The following ZFAND1 variants were observed in gnomAD, a reference collection of about 807,000 sequenced individuals.
The protein encoded by ZFAND1 is zinc finger AN1-type containing 1, also known as AN1-type zinc finger protein 1.
In ZFAND1, 40 loss-of-function variants were observed where a neutral mutation model predicts 38.5. The ratio of observed to expected loss-of-function variants is 1.04; its 90% confidence interval spans 0.81 to 1.35. The LOEUF (loss-of-function observed/expected upper bound fraction) is 1.35. Ranked by LOEUF, ZFAND1 falls within the 40% of genes most tolerant of loss-of-function variation. The probability of loss-of-function intolerance (pLI) is 0.00; values close to 1 mark genes in which losing one functional copy is unlikely to be tolerated. For missense variants in ZFAND1, 346 were observed against 316.3 expected (o/e 1.09, Z -0.71); for synonymous variants, 117 against 103.6 (o/e 1.13, Z -0.78).
chr8:81,714,158 C>A, intron 5 of ZFAND1, 119 bp from the exon 6 acceptor site: 1 of 929,864 alleles, frequency 1.1e-6, no homozygotes, highest in Non-Finnish European at 1.5e-6. Flanking sequence ...GAGAGATATA[C>A]AGAGACCACA....
At chr8:81,714,264 C>T (rs923924190) in intron 5 of ZFAND1, 1 of 427,510 alleles carries the variant, frequency 2.3e-6, no homozygotes, top group Non-Finnish European at 4.1e-6. Context: ...CTATAATGTG[C>T]TTCTTTTCAA....
Position 81,713,965 on chromosome 8 carries a change from A to G in ZFAND1, c.433T>C (p.Leu145=), listed in dbSNP as rs140919879. The G allele has an allele frequency of 1.9e-6, 3 of 1,613,036 alleles. No homozygotes were observed. The highest frequency in any genetic ancestry group is 2.2e-5 in the East Asian group (1 of 44,774). ...KNSETAAKVA[L]MKLKMHADGD... ...TCAGCATGCATCTTTAATTTCATCAATGCAACCTTTGCAGCTGTTTCACTA... is the reference window on the plus strand; with the variant it reads ...TCAGCATGCATCTTTAATTTCATCAGTGCAACCTTTGCAGCTGTTTCACTA... Residue 145 remains leucine (L), a synonymous_variant, in exon 6 of 8, where the codon TTG becomes CTG. Transcript: ENST00000220669.
Position 81,703,275 on chromosome 8 carries a change from A to C in ZFAND1, c.481-151T>G, listed in dbSNP as rs562765544. The stretch of plus-strand genomic sequence containing the variant: ...GGAATACCAATCACAGTAGCCAAAA[A>C]CACACATAAATGCATGGGCATAGGA... On this transcript the variant is annotated intron_variant, in intron 6 of 7. Transcript: ENST00000220669. 5.8e-4 allele frequency: 295 copies of C among 510,656 alleles called. 3 individuals carry two copies. The highest frequency in any genetic ancestry group is 5.3e-3 in the African/African-American group (273 of 51,154). 31.6% of individuals were successfully genotyped at this position (510,656 alleles called of 1,614,324 possible).
rs374960687 is a variant in ZFAND1, at chr8:81,717,301, T to C, written c.99-13A>G. The stretch of plus-strand genomic sequence containing the variant: ...TCTGTGTTCAAGGCTTAAATAATAA[T>C]AGCAAGTGTTTATTTAAATAACATA... On this transcript the variant is annotated splice_polypyrimidine_tract_variant and intron_variant, in intron 2 of 7. Transcript: ENST00000220669. 9 of 1,513,776 alleles carry C rather than the reference T, an allele frequency of 5.9e-6. No homozygotes were observed. The highest frequency in any genetic ancestry group is 4.2e-5 in the South Asian group (3 of 71,802). 93.8% of individuals were successfully genotyped at this position (1,513,776 alleles called of 1,614,324 possible).
At chr8:81,714,091 T>C (rs781650250) in intron 5 of ZFAND1, 52 bp from the exon 6 acceptor site, 11 of 1,490,628 alleles carry the variant, frequency 7.4e-6, no homozygotes, top group Non-Finnish European at 9.9e-6. Context: ...ACAAATAGAA[T>C]TTTATTATAA....
chr8:81,702,933 TA>T, intron 7 of ZFAND1, 35 bp downstream of exon 7: 3 of 1,502,230 alleles, frequency 2.0e-6, no homozygotes, highest in Non-Finnish European at 2.7e-6. Context: ...ATAAAACCTT[TA>T]TTAATATAGA....
In ZFAND1 at chr8:81,717,303, G is replaced by GC. The variant is rs1280281928; in HGVS notation, c.99-16dup. Reference sequence around the variant, plus strand: ...TGTGTTCAAGGCTTAAATAATAATAGCAAGTGTTTATTTAAATAACATACT... The same window carrying GC: ...TGTGTTCAAGGCTTAAATAATAATAGCCAAGTGTTTATTTAAATAACATACT... On this transcript the variant is annotated splice_polypyrimidine_tract_variant and intron_variant, in intron 2 of 7. Transcript: ENST00000220669. 7.3e-6 allele frequency: 11 copies of GC among 1,509,946 alleles called. No individual in the cohort carries two copies. The highest frequency in any genetic ancestry group is 9.7e-6 in the Non-Finnish European group (11 of 1,138,026). 93.5% of individuals were successfully genotyped at this position (1,509,946 alleles called of 1,614,324 possible). A position where few individuals can be genotyped will look rare whatever the true frequency, so the allele number is the denominator to read the frequency against.
At chr8:81,706,138 AAAGATAGATTACTCATAGAGT>A (rs1807972511) in intron 6 of ZFAND1, among the ~76,000 whole-genome samples, 1 of 152,120 alleles carries the variant, frequency 6.6e-6, no homozygotes, top group African/African-American at 2.4e-5. Context: ...AGCTACCAAA[AAAGATAGATTACTCATAGAGT>A]AAGACTGACA....
At chr8:81,717,169 G>T in intron 3 of ZFAND1, 80 bp downstream of exon 3, 3 of 1,213,880 alleles carry the variant, frequency 2.5e-6, no homozygotes, top group Non-Finnish European at 3.4e-6. Context: ...GATACTGACT[G>T]CCTTTAAATC....
chr8:81,721,035 T>C (rs1372077448), intron 1 of ZFAND1, 192 bp downstream of exon 1: 2 of 573,354 alleles, frequency 3.5e-6, no homozygotes, highest in African/African-American at 3.9e-5. Context: ...ACACGTCATT[T>C]CAAAAGCTCA....
chr8:81,716,387 T>C (rs1808311876), intron 3 of ZFAND1, among the ~76,000 whole-genome samples: 1 of 152,232 alleles, frequency 6.6e-6, no homozygotes, highest in African/African-American at 2.4e-5. Flanking sequence ...CTGAACTTCA[T>C]CATTCAACTT....
intron 5 of ZFAND1, 113 bp from the exon 6 acceptor site, chr8:81,714,152 G>T: frequency 1.0e-6 from 1 of 979,760 alleles, no homozygotes; most frequent in African/African-American, 1.7e-5. Context: ...ACACAAGAGA[G>T]ATATACAGAG....
chr8:81,716,329 C>A (rs1164904752), intron 3 of ZFAND1, among the ~76,000 whole-genome samples: 3 of 152,196 alleles, frequency 2.0e-5, no homozygotes, highest in African/African-American at 7.2e-5. Context: ...GACTGCTGGG[C>A]AAGTCTGCCT....
intron 1 of ZFAND1, among the ~76,000 whole-genome samples, chr8:81,718,664 C>A (rs958765429): frequency 6.8e-6 from 1 of 147,812 alleles, no homozygotes; most frequent in African/African-American, 2.5e-5. Flanking sequence ...TTATATATAT[C>A]CAATAAATAT....
intron 3 of ZFAND1, 57 bp from the exon 4 acceptor site, chr8:81,715,171 TG>T (rs1808267932): frequency 1.3e-6 from 2 of 1,577,488 alleles, no homozygotes; most frequent in Non-Finnish European, 1.7e-6. Flanking sequence ...CAAATCAATG[TG>T]TCTTATTCTA....
chr8:81,718,793 T>A (rs941648969), intron 1 of ZFAND1, among the ~76,000 whole-genome samples: 39 of 150,990 alleles, frequency 2.6e-4, no homozygotes, highest in Admixed American at 7.3e-4. Flanking sequence ...ATAAGATTTA[T>A]GGTATTTCAA....
chr8:81,710,058 G>C lies in ZFAND1; in HGVS notation c.480+3860C>G, dbSNP rs139572279. On this transcript the variant is annotated intron_variant, in intron 6 of 7. Coordinates refer to ENST00000220669, the MANE Select transcript of ZFAND1 (RefSeq NM_024699.3). ...TGTCCCTATTTACATTTTAGGCCAA[G>C]AAAAAATTCTCTGTTGTCGGCCTTG... Among the ~76,000 whole-genome samples, 4 of 152,178 alleles carry C rather than the reference G, an allele frequency of 2.6e-5. No individual in the cohort carries two copies. The East Asian group carries it at 7.7e-4, about 29-fold the overall frequency.
intron 6 of ZFAND1, among the ~76,000 whole-genome samples, chr8:81,706,272 A>G (rs140925663): frequency 0.015 from 2,305 of 151,958 alleles, 38 homozygotes; most frequent in South Asian, 0.024. Flanking sequence ...ACATGTTCAA[A>G]AAAGACTCAT....
At chr8:81,715,256 G>A (rs1585928088) in intron 3 of ZFAND1, 142 bp from the exon 4 acceptor site, 1 of 824,174 alleles carries the variant, frequency 1.2e-6, no homozygotes, top group Non-Finnish European at 1.9e-6. Context: ...TATAAAGAAT[G>A]TTTTATGTGA....
Sources: gnomAD v4.1 joint callset for allele counts (sites outside exome capture counted in the v4.1 genomes callset) on GRCh38, gnomAD v4.1.1 for gene constraint, MANE v1.5 for transcripts, NCBI Gene and HGNC (gene_info 2026-07-23, HGNC 2026-07-21) for gene names.